DACH2: variants seen among roughly 807,000 people sequenced by gnomAD.
The protein encoded by DACH2 is dachshund family transcription factor 2.
A neutral mutation model predicts 35.8 loss-of-function variants in DACH2; 17 were observed. That is an observed-to-expected ratio of 0.48 (90% confidence interval 0.33 to 0.71). The LOEUF (loss-of-function observed/expected upper bound fraction) is 0.71. Among genes scored for constraint, DACH2 ranks in the 30% least tolerant of loss-of-function variants. DACH2 has a pLI of 0.02. For synonymous variants in DACH2, 195 were observed against 177.3 expected (o/e 1.10, Z -0.79); for missense variants, 469 against 472.7 (o/e 0.99, Z 0.07).
intron 3 of DACH2, among the ~76,000 whole-genome samples, chrX:86,615,084 C>G (rs1432666643): frequency 9.0e-6 from 1 of 111,496 alleles, no homozygotes; most frequent in Non-Finnish European, 1.9e-5. Context: ...GTCACCCACT[C>G]TTATTAGTCT....
In DACH2 at chrX:86,442,819, C is replaced by A. The variant is rs944373808; in HGVS notation, c.527+65957C>A. ...ATTTGTGGAAGAGACGGTCATTTCT[C>A]CATCGTGTGTCCTTGCCACCTTTGT... On this transcript the variant is annotated intron_variant, in intron 2 of 11. Transcript: ENST00000373125. Among the ~76,000 whole-genome samples the A allele has an allele frequency of 1.4e-4, 15 of 109,435 alleles. No homozygotes were observed. The East Asian group carries it at 4.2e-3, about 31-fold the overall frequency.
At chrX:86,337,633 A>G (rs957862904) in intron 1 of DACH2, among the ~76,000 whole-genome samples, 1 of 112,302 alleles carries the variant, frequency 8.9e-6, no homozygotes, top group African/African-American at 3.2e-5. Flanking sequence ...GGCCATCGAC[A>G]CTATGGAAAA....
At chrX:86,492,520 T>C (rs1198458626) in intron 2 of DACH2, among the ~76,000 whole-genome samples, 1 of 112,099 alleles carries the variant, frequency 8.9e-6, no homozygotes, top group Non-Finnish European at 1.9e-5. Flanking sequence ...TATTGCGTGA[T>C]GCTGAGGTTT....
intron 3 of DACH2, among the ~76,000 whole-genome samples, chrX:86,564,719 C>T (rs868158578): frequency 9.0e-6 from 1 of 111,460 alleles, no homozygotes; most frequent in South Asian, 3.7e-4. Flanking sequence ...ACAGCAGCAA[C>T]CATGTGTATT....
intron 7 of DACH2, among the ~76,000 whole-genome samples, chrX:86,763,102 TC>T (rs2041899356): frequency 1.8e-5 from 2 of 111,808 alleles, no homozygotes; most frequent in African/African-American, 6.5e-5. Flanking sequence ...CATAATGATC[TC>T]CAAATCTTGA....
intron 2 of DACH2, among the ~76,000 whole-genome samples, chrX:86,454,473 C>T (rs2037437967): frequency 1.8e-5 from 2 of 112,068 alleles, no homozygotes; most frequent in Admixed American, 9.5e-5. Flanking sequence ...TTTGTCATTT[C>T]TTGTCATTCT....
At chrX:86,159,812 G>A (rs1238235018) in intron 1 of DACH2, among the ~76,000 whole-genome samples, 2 of 111,281 alleles carry the variant, frequency 1.8e-5, no homozygotes, top group East Asian at 2.8e-4. Flanking sequence ...ATTCAAAAAC[G>A]TGGAAAATTA....
At chrX:86,736,585 T>C (rs1381001200) in intron 6 of DACH2, among the ~76,000 whole-genome samples, 2 of 111,578 alleles carry the variant, frequency 1.8e-5, no homozygotes, top group Non-Finnish European at 3.8e-5. Context: ...TTATAGGTGC[T>C]CTTATGATTT....
At chrX:86,151,468 A>G (rs1215669518) in intron 1 of DACH2, among the ~76,000 whole-genome samples, 3 of 111,339 alleles carry the variant, frequency 2.7e-5, no homozygotes, top group Non-Finnish European at 5.7e-5. Flanking sequence ...AAATTTATGA[A>G]GTATATTCTA....
At chrX:86,825,975 A>G (rs1442963996) in intron 11 of DACH2, among the ~76,000 whole-genome samples, 1 of 111,920 alleles carries the variant, frequency 8.9e-6, no homozygotes, top group Non-Finnish European at 1.9e-5. Flanking sequence ...AGTTAGATAC[A>G]TACTATCTGA....
At chrX:86,193,313 T>C (rs1296167131) in intron 1 of DACH2, among the ~76,000 whole-genome samples, 1 of 111,770 alleles carries the variant, frequency 8.9e-6, no homozygotes, top group Admixed American at 9.6e-5. Context: ...TGTTTATTAA[T>C]AGTGTTGTCA....
intron 1 of DACH2, chrX:86,305,144 C>A (rs780035039): frequency 6.7e-4 from 90 of 134,685 alleles, no homozygotes; most frequent in African/African-American, 2.7e-3. Context: ...ACCAGCCTCA[C>A]CCTTTTTGGG....
intron 2 of DACH2, among the ~76,000 whole-genome samples, chrX:86,484,719 T>C (rs1487524008): frequency 8.9e-6 from 1 of 112,235 alleles, no homozygotes; most frequent in Admixed American, 9.5e-5. Context: ...TTGTCTTTAA[T>C]TTTAAAAACA....
chrX:86,512,003 G>T, intron 2 of DACH2, among the ~76,000 whole-genome samples: 1 of 112,227 alleles, frequency 8.9e-6, no homozygotes, highest in Middle Eastern at 4.6e-3. Flanking sequence ...AACTGTACAA[G>T]CAGTGAAAGA....
chrX:86,620,840 G>A (rs961032552), intron 3 of DACH2, among the ~76,000 whole-genome samples: 2 of 109,315 alleles, frequency 1.8e-5, no homozygotes, highest in East Asian at 2.9e-4. Context: ...AATCTACCCC[G>A]TGTTTTTCAA....
intron 3 of DACH2, among the ~76,000 whole-genome samples, chrX:86,552,561 A>C (rs2039064648): frequency 8.9e-6 from 1 of 112,070 alleles, no homozygotes; most frequent in African/African-American, 3.2e-5. Flanking sequence ...TTTAATGAGA[A>C]ATTTTGAGCA....
intron 2 of DACH2, among the ~76,000 whole-genome samples, chrX:86,493,687 A>G (rs182160325): frequency 3.6e-5 from 4 of 111,882 alleles, no homozygotes; most frequent in African/African-American, 1.3e-4. Context: ...TATGATTCCT[A>G]TAGACATTAA....
At chrX:86,313,796 GCTT>G (rs2034844937) in intron 1 of DACH2, among the ~76,000 whole-genome samples, 1 of 111,537 alleles carries the variant, frequency 9.0e-6, no homozygotes, top group South Asian at 3.8e-4. Context: ...ACTTTATTGT[GCTT>G]CTCAGGCATT....
intron 1 of DACH2, among the ~76,000 whole-genome samples, chrX:86,305,873 G>A (rs778999161): frequency 7.2e-5 from 8 of 111,823 alleles, no homozygotes; most frequent in African/African-American, 2.6e-4. Context: ...TCAGGGAAAT[G>A]CAAATCAAAA....
Sources: allele counts gnomAD v4.1 joint callset (sites outside exome capture counted in the v4.1 genomes callset), GRCh38; gene constraint gnomAD v4.1.1; transcripts MANE v1.5; gene names NCBI Gene and HGNC (gene_info 2026-07-23, HGNC 2026-07-21).